The following SAMD12 variants were observed in gnomAD, a reference collection of about 807,000 sequenced individuals.
The protein encoded by SAMD12 is sterile alpha motif domain containing 12, also known as sterile alpha motif domain-containing protein 12.
Under a neutral mutation model 15.0 loss-of-function variants are expected in SAMD12, and 9 were observed. The observed-to-expected ratio is 0.60, with a 90% CI of 0.36 to 1.05. SAMD12 has a LOEUF of 1.05. SAMD12 is among the 50% of genes least tolerant of loss of function. The pLI, the probability that SAMD12 is intolerant of heterozygous loss-of-function variation, is 0.01. For synonymous variants in SAMD12, 86 were observed against 90.1 expected, an observed-to-expected ratio of 0.96 and a Z score of 0.25; for missense variants, 230 against 234.2, an observed-to-expected ratio of 0.98 and a Z score of 0.12.
At chr8:118,417,543 T>TTGTTCTGTAATTACA (rs1398989855) in intron 3 of SAMD12, among the ~76,000 whole-genome samples, 5 of 152,232 alleles carry the variant, frequency 3.3e-5, no homozygotes, top group Non-Finnish European at 7.3e-5. Flanking sequence ...TAGTAGGTAA[T>TTGTTCTGTAATTACA]GAATGATCTG....
At chr8:118,150,591 A>G in the SAMD12 span, among the ~76,000 whole-genome samples, 1 of 151,912 alleles carries the variant, frequency 6.6e-6, no homozygotes, top group African/African-American at 2.4e-5. Flanking sequence ...CTGGTCTCAG[A>G]CTCCCTGCCT....
At chr8:118,437,699 G>T (rs2130883915) in intron 3 of SAMD12, among the ~76,000 whole-genome samples, 1 of 152,140 alleles carries the variant, frequency 6.6e-6, no homozygotes, top group East Asian at 1.9e-4. Context: ...TGAAGACCAA[G>T]TCTGCCACCA....
intron 1 of SAMD12, among the ~76,000 whole-genome samples, chr8:118,619,478 CAAAA>C (rs33947611): frequency 8.9e-6 from 1 of 112,216 alleles, no homozygotes; most frequent in Non-Finnish European, 1.8e-5. Context: ...GACTCTGTCT[CAAAA>C]AAAAAAAAAA....
chr8:118,313,557 T>G lies in SAMD12; in HGVS notation c.433+66003A>C, dbSNP rs149715702. Among the ~76,000 whole-genome samples, 423 of 152,226 alleles carry G rather than the reference T, an allele frequency of 2.8e-3. 2 individuals are homozygous for G. The highest frequency in any genetic ancestry group is 9.7e-3 in the African/African-American group (404 of 41,536). On this transcript the variant is annotated intron_variant, in intron 4 of 4. Transcript: ENST00000409003. ...GTATGTGGAAATTAACAAAGAATTCTTTCTGTCTATAGAAAGCATGCTATA... is the reference window on the plus strand; with the variant it reads ...GTATGTGGAAATTAACAAAGAATTCGTTCTGTCTATAGAAAGCATGCTATA...
chr8:118,324,767 G>A (rs560554276), intron 4 of SAMD12, among the ~76,000 whole-genome samples: 2 of 152,122 alleles, frequency 1.3e-5, no homozygotes, highest in Non-Finnish European at 1.5e-5. Flanking sequence ...TCATGGGACC[G>A]CAAGTGATTC....
chr8:118,171,161 G>A, the SAMD12 span, among the ~76,000 whole-genome samples: 2 of 152,266 alleles, frequency 1.3e-5, no homozygotes, highest in East Asian at 3.9e-4. Flanking sequence ...ATCGTGAAAA[G>A]GTTGCAAAAT....
At chr8:118,150,967 A>G in the SAMD12 span, among the ~76,000 whole-genome samples, 1 of 152,100 alleles carries the variant, frequency 6.6e-6, no homozygotes, top group Non-Finnish European at 1.5e-5. Context: ...TAGCCTCTTG[A>G]GAGGAGGTGG....
intron 4 of SAMD12, among the ~76,000 whole-genome samples, chr8:118,320,733 G>C (rs919336787): frequency 6.6e-6 from 1 of 151,016 alleles, no homozygotes; most frequent in Non-Finnish European, 1.5e-5. Context: ...GAGTTAATGG[G>C]TGCAGCACAC....
chr8:118,611,798 C>G (rs1828119038), intron 1 of SAMD12, among the ~76,000 whole-genome samples: 1 of 152,068 alleles, frequency 6.6e-6, no homozygotes, highest in Non-Finnish European at 1.5e-5. Flanking sequence ...TTCAAATATT[C>G]CATTCTATGG....
chr8:118,500,762 C>T (rs1824761453), intron 2 of SAMD12, among the ~76,000 whole-genome samples: 1 of 152,134 alleles, frequency 6.6e-6, no homozygotes, highest in Admixed American at 6.5e-5. Context: ...GCTGAGATTG[C>T]ACCACTGCAC....
intron 1 of SAMD12, among the ~76,000 whole-genome samples, chr8:118,598,930 T>C (rs1229497928): frequency 6.6e-6 from 1 of 152,196 alleles, no homozygotes; most frequent in Admixed American, 6.5e-5. Context: ...TAAGAACCAC[T>C]GAGTAAGGCA....
Position 118,398,333 on chromosome 8 carries a change from A to G in SAMD12, c.323-18633T>C, listed in dbSNP as rs541799183. On this transcript the variant is annotated intron_variant, in intron 3 of 3. Coordinates refer to ENST00000314727, the MANE Select transcript of SAMD12 (RefSeq NM_207506.3). Reference sequence around the variant, plus strand: ...AAAATCACTTGAACCTGGCCGATGCAGGTTACAGTGAGCTGAGATCGTGCC... The same window carrying G: ...AAAATCACTTGAACCTGGCCGATGCGGGTTACAGTGAGCTGAGATCGTGCC... Among the ~76,000 whole-genome samples, 14 of 152,324 alleles carry G rather than the reference A, an allele frequency of 9.2e-5. No homozygotes were observed. The South Asian group carries it at 2.9e-3, about 32-fold the overall frequency.
At chr8:118,607,176 A>G (rs1828005161) in intron 1 of SAMD12, among the ~76,000 whole-genome samples, 1 of 152,190 alleles carries the variant, frequency 6.6e-6, no homozygotes, top group South Asian at 2.1e-4. Context: ...ATTCTTTAAT[A>G]GTCACGTTTT....
intron 3 of SAMD12, among the ~76,000 whole-genome samples, chr8:118,386,763 G>C (rs1280067785): frequency 3.9e-5 from 6 of 152,164 alleles, no homozygotes; most frequent in Non-Finnish European, 7.3e-5. Context: ...TTTGCTCAGA[G>C]AATTGCAACA....
chr8:118,185,674 T>G (rs1342479596), downstream of SAMD12, among the ~76,000 whole-genome samples: 2 of 152,204 alleles, frequency 1.3e-5, no homozygotes, highest in Non-Finnish European at 2.9e-5. Flanking sequence ...ACCCCTAATA[T>G]TCCAGAAGAG....
the SAMD12 span, among the ~76,000 whole-genome samples, chr8:118,139,176 A>G: frequency 6.6e-6 from 1 of 152,128 alleles, no homozygotes; most frequent in South Asian, 2.1e-4. Flanking sequence ...TGTTCAGTGA[A>G]GTCAGACCAG....
intron 4 of SAMD12, among the ~76,000 whole-genome samples, chr8:118,200,235 G>A (rs59655380): frequency 1.3e-5 from 2 of 151,922 alleles, no homozygotes; most frequent in East Asian, 1.9e-4. Context: ...ACAGCAGAAC[G>A]ACAACAAACA....
intron 4 of SAMD12, among the ~76,000 whole-genome samples, chr8:118,306,472 C>A (rs184760864): frequency 6.6e-6 from 1 of 152,162 alleles, no homozygotes; most frequent in East Asian, 1.9e-4. Flanking sequence ...ACCCTCTGTA[C>A]TTCTTCCCCT....
At chr8:118,487,843 C>G (rs906811263) in intron 2 of SAMD12, among the ~76,000 whole-genome samples, 108 of 148,228 alleles carry the variant, frequency 7.3e-4, no homozygotes, top group African/African-American at 2.4e-3. Context: ...CATGGCTGGA[C>G]AAATGATGGC....
Sources: gnomAD v4.1 joint callset for allele counts (sites outside exome capture counted in the v4.1 genomes callset) on GRCh38, gnomAD v4.1.1 for gene constraint, MANE v1.5 for transcripts, NCBI Gene and HGNC (gene_info 2026-07-23, HGNC 2026-07-21) for gene names.